BBS9: variants seen among roughly 807,000 people sequenced by gnomAD.
The protein encoded by BBS9 is protein PTHB1.
A neutral mutation model predicts 117.7 loss-of-function variants in BBS9; 89 were observed. The ratio of observed to expected loss-of-function variants is 0.76; its 90% confidence interval spans 0.64 to 0.90. The LOEUF (loss-of-function observed/expected upper bound fraction) is 0.90, where lower values mean the gene tolerates loss of function less well. BBS9 is among the 40% of genes least tolerant of loss of function. The pLI, the probability that BBS9 is intolerant of heterozygous loss-of-function variation, is 0.00. For synonymous variants in BBS9, 379 were observed against 370.9 expected (o/e 1.02, Z -0.25); for missense variants, 982 against 1,042.2 (o/e 0.94, Z 0.80).
intron 19 of BBS9, among the ~76,000 whole-genome samples, chr7:33,410,750 T>A (rs375589638): frequency 6.6e-6 from 1 of 152,200 alleles, no homozygotes; most frequent in East Asian, 1.9e-4. Context: ...CTGGCTGTTA[T>A]ATTTTTGATC....
intron 21 of BBS9, among the ~76,000 whole-genome samples, chr7:33,555,729 G>A (rs1028375617): frequency 1.3e-5 from 2 of 152,168 alleles, no homozygotes; most frequent in Non-Finnish European, 2.9e-5. Context: ...CTTTGGAAAA[G>A]CATACAGTTT....
intron 7 of BBS9, among the ~76,000 whole-genome samples, 178 bp downstream of exon 7, chr7:33,264,552 A>G (rs1165892863): frequency 6.6e-6 from 1 of 152,118 alleles, no homozygotes; most frequent in Non-Finnish European, 1.5e-5. Flanking sequence ...CAATGGAAAC[A>G]CATGCCTGGT....
intron 9 of BBS9, among the ~76,000 whole-genome samples, chr7:33,277,860 G>A (rs2128359038): frequency 6.6e-6 from 1 of 152,240 alleles, no homozygotes; most frequent in Admixed American, 6.5e-5. Context: ...ATCTGAAGGA[G>A]TATTGGGGAA....
At chr7:33,430,563 G>A (rs540518712) in intron 19 of BBS9, among the ~76,000 whole-genome samples, 4 of 152,178 alleles carry the variant, frequency 2.6e-5, no homozygotes, top group Admixed American at 6.5e-5. Flanking sequence ...TATGTGGAGG[G>A]AACTCTAGTT....
At chr7:33,287,141 C>G (rs939910846) in intron 9 of BBS9, among the ~76,000 whole-genome samples, 16 of 152,044 alleles carry the variant, frequency 1.1e-4, no homozygotes, top group Non-Finnish European at 2.2e-4. Context: ...ATATATAACT[C>G]TTATGGTATA....
At chr7:33,306,438 A>C (rs1307366535) in intron 9 of BBS9, among the ~76,000 whole-genome samples, 1 of 152,102 alleles carries the variant, frequency 6.6e-6, no homozygotes, top group African/African-American at 2.4e-5. Context: ...GGACAAGAAC[A>C]TGTAGAAAAC....
At position 33,352,890 on chromosome 7, in the gene BBS9, T is replaced by G; in HGVS notation, c.1552+17T>G. 6.2e-7 allele frequency: 1 copy of G among 1,608,340 alleles called. No homozygotes were observed. Among genetic ancestry groups the G allele is most frequent in the Non-Finnish European group, 8.5e-7 (1 of 1,175,050 alleles). On this transcript the variant is annotated intron_variant, in intron 15 of 22. Transcript: ENST00000242067. ...ATCCTGATGGTAAGTGTAAAGATAA[T>G]TTAGAAAAAAATGAATTTCAGAACT... is the stretch of plus-strand genomic sequence containing the variant.
chr7:33,379,157 C>T (rs1824469808), intron 17 of BBS9, among the ~76,000 whole-genome samples: 1 of 152,244 alleles, frequency 6.6e-6, no homozygotes, highest in South Asian at 2.1e-4. Context: ...ATTTCTGCCT[C>T]AGTGCCTTTG....
intron 19 of BBS9, among the ~76,000 whole-genome samples, chr7:33,486,512 T>G (rs79356267): frequency 0.022 from 3,338 of 152,332 alleles, 61 homozygotes; most frequent in Non-Finnish European, 0.031. Context: ...AATTACTCTT[T>G]AAAGTGAATA....
At chr7:33,524,962 TG>T (rs1849247331) in intron 20 of BBS9, among the ~76,000 whole-genome samples, 1 of 152,234 alleles carries the variant, frequency 6.6e-6, no homozygotes, top group Non-Finnish European at 1.5e-5. Context: ...TTGTTCTCAT[TG>T]GTTTCAAAGA....
chr7:33,320,588 T>C (rs1276970589), intron 9 of BBS9, among the ~76,000 whole-genome samples: 2 of 152,192 alleles, frequency 1.3e-5, no homozygotes, highest in Non-Finnish European at 1.5e-5. Flanking sequence ...TGATTTCCTT[T>C]CTTTTGAGTA....
At chr7:33,545,520 A>G (rs55905042) in intron 21 of BBS9, among the ~76,000 whole-genome samples, 18,477 of 151,946 alleles carry the variant, frequency 0.12, 1,199 homozygotes, top group African/African-American at 0.16. Context: ...TCCCTTTCCC[A>G]CTTCTGCAGT....
intron 15 of BBS9, among the ~76,000 whole-genome samples, chr7:33,354,983 T>C (rs999221405): frequency 1.3e-5 from 2 of 152,016 alleles, no homozygotes; most frequent in Non-Finnish European, 2.9e-5. Flanking sequence ...GTAAAATAAA[T>C]GACAAAAGTT....
chr7:33,152,906 G>T (rs549303303), intron 3 of BBS9, 55 bp downstream of exon 3: 1 of 1,565,450 alleles, frequency 6.4e-7, no homozygotes, highest in Non-Finnish European at 8.8e-7. Flanking sequence ...ATCCTTTACA[G>T]TGTCACTTTT....
chr7:33,204,826 C>A (rs1353139117), intron 5 of BBS9, among the ~76,000 whole-genome samples: 2 of 152,204 alleles, frequency 1.3e-5, no homozygotes, highest in Non-Finnish European at 2.9e-5. Context: ...ACAGTCTCCA[C>A]CATTGTAGCT....
chr7:33,542,758 C>T (rs535259681), intron 21 of BBS9, among the ~76,000 whole-genome samples: 23 of 131,824 alleles, frequency 1.7e-4, no homozygotes, highest in African/African-American at 5.4e-4. Context: ...TATATATACA[C>T]GTATGTATAT....
intron 19 of BBS9, among the ~76,000 whole-genome samples, chr7:33,460,641 T>C (rs1041401037): frequency 1.4e-4 from 22 of 152,032 alleles, no homozygotes; most frequent in Non-Finnish European, 5.9e-5. Context: ...CTTTTAAACA[T>C]AGAATTGTCA....
At chr7:33,152,601 AT>A (rs1793508284) in intron 2 of BBS9, 99 bp from the exon 3 acceptor site, 4 of 1,174,832 alleles carry the variant, frequency 3.4e-6, no homozygotes, top group Non-Finnish European at 4.8e-6. Context: ...AATTCTTTTA[AT>A]TTTTAGATTT....
At chr7:33,423,809 CA>C (rs899162624) in intron 19 of BBS9, among the ~76,000 whole-genome samples, 12 of 152,030 alleles carry the variant, frequency 7.9e-5, no homozygotes, top group African/African-American at 2.9e-4. Context: ...AAGCAGCCAC[CA>C]GGGGGTAGCC....
Sources: allele counts gnomAD v4.1 joint callset (sites outside exome capture counted in the v4.1 genomes callset), GRCh38; gene constraint gnomAD v4.1.1; transcripts MANE v1.5; gene names NCBI Gene and HGNC (gene_info 2026-07-23, HGNC 2026-07-21).